The following PCDH9 variants were observed in gnomAD, a reference collection of about 807,000 sequenced individuals.
PCDH9 encodes protocadherin-9.
Under a neutral mutation model 70.6 loss-of-function variants are expected in PCDH9, and 24 were observed. That is an observed-to-expected ratio of 0.34 (90% confidence interval 0.25 to 0.48). The LOEUF is 0.48. Ranked by LOEUF, PCDH9 falls within the 20% of genes least tolerant of loss-of-function variation. PCDH9 has a pLI of 0.99. For synonymous variants in PCDH9, 562 were observed against 558.5 expected (o/e 1.01, Z -0.09); for missense variants, 1,281 against 1,503.6 (o/e 0.85, Z 2.45).
At chr13:67,000,584 G>A (rs7337640) in intron 2 of PCDH9, among the ~76,000 whole-genome samples, 147,270 of 151,900 alleles carry the variant, frequency 0.97, 71,546 homozygotes, top group East Asian at 1. Flanking sequence ...ACAAAAATTC[G>A]AAAAAAAGAA....
Position 67,226,913 on chromosome 13 carries a change from G to A in PCDH9, c.1528C>T (p.Pro510Ser). ...TCCAGATCAAAGAAGGAGGCATTCG[G>A]TCCAAGCTGATAAACAATGTCTGCA... Reference protein sequence around the residue: ...KNADIVYQLGPNASFFDLDRK... With the variant: ...KNADIVYQLGSNASFFDLDRK... Residue 510 changes from proline to serine, a missense_variant, in exon 2 of 5, where the codon CCG becomes TCG. Physicochemically the swap from Pro to Ser is moderately conservative, Grantham distance 74 (BLOSUM62 -1). This residue lies in a region of PCDH9 where 798 missense variants were observed against 1,003.1 expected (regional missense o/e 0.80). Transcript: ENST00000377865. This position sits in a 1 kb window ranked among gnomAD's most constrained non-coding sequence, Gnocchi z 5.0. 6.2e-7 allele frequency: 1 copy of A among 1,614,166 alleles called. No homozygotes were observed. The highest frequency in any genetic ancestry group is 8.5e-7 in the Non-Finnish European group (1 of 1,180,010).
At chr13:66,496,309 C>T (rs1959115962) in intron 4 of PCDH9, among the ~76,000 whole-genome samples, 1 of 152,170 alleles carries the variant, frequency 6.6e-6, no homozygotes, top group Non-Finnish European at 1.5e-5. Flanking sequence ...ATATCTCAGA[C>T]ATCACATACC....
At chr13:66,735,358 A>G (rs1472349899) in intron 3 of PCDH9, among the ~76,000 whole-genome samples, 5 of 152,218 alleles carry the variant, frequency 3.3e-5, no homozygotes, top group Admixed American at 3.3e-4. Flanking sequence ...GATTTGTGAG[A>G]CTTAGAATTT....
At chr13:66,667,867 TTAAC>T (rs1246648572) in intron 3 of PCDH9, among the ~76,000 whole-genome samples, 3 of 152,302 alleles carry the variant, frequency 2.0e-5, no homozygotes, top group African/African-American at 7.2e-5. Flanking sequence ...CTAAGTAATA[TTAAC>T]TAAGTAGTGG....
At chr13:66,595,943 A>T (rs1247067403) in intron 4 of PCDH9, among the ~76,000 whole-genome samples, 1 of 151,744 alleles carries the variant, frequency 6.6e-6, no homozygotes, top group Non-Finnish European at 1.5e-5. Context: ...CTAGCAGAAT[A>T]GGATTTTAAA....
At chr13:66,712,559 T>C (rs2139132653) in intron 3 of PCDH9, among the ~76,000 whole-genome samples, 1 of 152,294 alleles carries the variant, frequency 6.6e-6, no homozygotes, top group African/African-American at 2.4e-5. Flanking sequence ...ATTACAATTT[T>C]AAAATAAAGT....
chr13:66,654,849 C>T (rs1255308316), intron 3 of PCDH9, among the ~76,000 whole-genome samples: 2 of 149,852 alleles, frequency 1.3e-5, no homozygotes, highest in Admixed American at 1.3e-4. Context: ...GTTGGGACTA[C>T]AGGGGTATGC....
intron 4 of PCDH9, among the ~76,000 whole-genome samples, chr13:66,623,492 G>T (rs1238383879): frequency 6.6e-6 from 1 of 152,036 alleles, no homozygotes; most frequent in Non-Finnish European, 1.5e-5. Flanking sequence ...GGGCTGGAGT[G>T]CCTGGGCACG....
At chr13:66,936,506 AC>A (rs1200046953) in intron 2 of PCDH9, among the ~76,000 whole-genome samples, 1 of 152,192 alleles carries the variant, frequency 6.6e-6, no homozygotes, top group Non-Finnish European at 1.5e-5. Flanking sequence ...ATGTTGGGTG[AC>A]AAAATTAAAA....
chr13:67,033,415 A>G (rs929448622), intron 2 of PCDH9, among the ~76,000 whole-genome samples: 34 of 152,190 alleles, frequency 2.2e-4, no homozygotes, highest in African/African-American at 6.3e-4. Flanking sequence ...ATAAGGTACA[A>G]AAAGACAAAA....
chr13:66,419,364 A>G (rs1175361295), intron 4 of PCDH9, among the ~76,000 whole-genome samples: 1 of 151,982 alleles, frequency 6.6e-6, no homozygotes, highest in Non-Finnish European at 1.5e-5. Context: ...ATTCCCACGC[A>G]AGATGGCGGA....
At chr13:66,946,195 C>T (rs1055160720) in intron 2 of PCDH9, among the ~76,000 whole-genome samples, 1 of 151,876 alleles carries the variant, frequency 6.6e-6, no homozygotes, top group Non-Finnish European at 1.5e-5. Context: ...TCAAAATAAA[C>T]ACCAATAAAA....
chr13:66,968,583 G>A (rs147530418), intron 2 of PCDH9, among the ~76,000 whole-genome samples: 45 of 152,062 alleles, frequency 3.0e-4, no homozygotes, highest in African/African-American at 1.0e-3. Flanking sequence ...TGTTTCCATT[G>A]GTTAAGATTT....
chr13:66,486,030 A>G (rs1041411728), intron 4 of PCDH9, among the ~76,000 whole-genome samples: 8 of 152,106 alleles, frequency 5.3e-5, no homozygotes, highest in African/African-American at 1.9e-4. Context: ...GCTGGGTCCA[A>G]ATCTTTTATT....
chr13:66,822,918 A>T, intron 3 of PCDH9, among the ~76,000 whole-genome samples: 1 of 152,288 alleles, frequency 6.6e-6, no homozygotes, highest in Non-Finnish European at 1.5e-5. Context: ...AATATGCGGT[A>T]TCACATATAT....
chr13:67,068,851 T>C (rs2085703253), intron 2 of PCDH9, among the ~76,000 whole-genome samples: 1 of 152,170 alleles, frequency 6.6e-6, no homozygotes. Flanking sequence ...AATATGATAG[T>C]AAGGACCAAG....
At chr13:66,597,293 C>T (rs1289320175) in intron 4 of PCDH9, among the ~76,000 whole-genome samples, 1 of 151,578 alleles carries the variant, frequency 6.6e-6, no homozygotes, top group East Asian at 1.9e-4. Flanking sequence ...CACAAAGGAC[C>T]TTCAAAGTAG....
chr13:66,957,896 C>T (rs79457920), intron 2 of PCDH9, among the ~76,000 whole-genome samples: 2,370 of 152,200 alleles, frequency 0.016, 70 homozygotes, highest in African/African-American at 0.054. Flanking sequence ...CTAATACAAA[C>T]GTAAAATACA....
At chr13:66,980,742 G>GTTTTTTTTTTTTTTTTTT (rs550869529) in intron 2 of PCDH9, among the ~76,000 whole-genome samples, 58 of 107,302 alleles carry the variant, frequency 5.4e-4, no homozygotes, top group Non-Finnish European at 9.5e-4. Context: ...TTTTTTTTTT[G>GTTTTTTTTTTTTTTTTTT]TTTTTTTTTT....
Sources: gnomAD v4.1 joint callset for allele counts (sites outside exome capture counted in the v4.1 genomes callset) on GRCh38, gnomAD v4.1.1 for gene constraint, gnomAD v4.1.1 regional missense constraint, Gnocchi (gnomAD v3.1) non-coding constraint, MANE v1.5 for transcripts, NCBI Gene and HGNC (gene_info 2026-07-23, HGNC 2026-07-21) for gene names.